POU6F2: variants seen among roughly 807,000 people sequenced by gnomAD.
The protein encoded by POU6F2 is POU domain, class 6, transcription factor 2.
POU6F2 carries 31 observed loss-of-function variants against 71.3 expected under a neutral mutation model. That is an observed-to-expected ratio of 0.43 (90% confidence interval 0.33 to 0.59). POU6F2 has a LOEUF of 0.59. POU6F2 is among the 20% of genes least tolerant of loss of function. POU6F2 has a pLI of 0.04. For synonymous variants in POU6F2, 347 were observed against 355.7 expected, an observed-to-expected ratio of 0.98 and a Z score of 0.27; for missense variants, 783 against 856.8, an observed-to-expected ratio of 0.91 and a Z score of 1.07.
At chr7:39,189,376 G>GTGTTTGTTTGTTTGTT (rs58113907) in intron 2 of POU6F2, among the ~76,000 whole-genome samples, 1 of 151,142 alleles carries the variant, frequency 6.6e-6, no homozygotes, top group Non-Finnish European at 1.5e-5. Context: ...TTTTGTTTGT[G>GTGTTTGTTTGTTTGTT]TGTTTGTTTG....
chr7:39,309,310 C>G (rs1216572031), intron 4 of POU6F2, among the ~76,000 whole-genome samples: 1 of 152,180 alleles, frequency 6.6e-6, no homozygotes, highest in African/African-American at 2.4e-5. Flanking sequence ...GCTGGGTAGA[C>G]TGAGGTGGAT....
intron 4 of POU6F2, among the ~76,000 whole-genome samples, chr7:39,257,670 A>T (rs1583478607): frequency 2.0e-5 from 3 of 152,296 alleles, no homozygotes; most frequent in East Asian, 3.9e-4. Flanking sequence ...TAGGCTTAGA[A>T]TGGAGCTTTC....
intron 7 of POU6F2, among the ~76,000 whole-genome samples, chr7:39,437,202 G>T (rs1443717482): frequency 6.6e-6 from 1 of 152,194 alleles, no homozygotes; most frequent in Non-Finnish European, 1.5e-5. Context: ...AATGATACCA[G>T]CTCCTTTTTG....
intron 1 of POU6F2, among the ~76,000 whole-genome samples, chr7:39,063,088 A>C (rs1790690770): frequency 6.6e-6 from 1 of 152,046 alleles, no homozygotes; most frequent in Admixed American, 6.6e-5. Context: ...AGAATATTGG[A>C]CTCATATAAA....
intron 2 of POU6F2, among the ~76,000 whole-genome samples, chr7:39,151,082 G>T (rs1792747872): frequency 6.6e-6 from 1 of 151,900 alleles, no homozygotes; most frequent in Non-Finnish European, 1.5e-5. Flanking sequence ...ACCTATGGGA[G>T]GTAGGGACTT....
In POU6F2 at chr7:39,335,669, C is replaced by T. The variant is rs1029732630; in HGVS notation, c.599-3973C>T. Among the ~76,000 whole-genome samples the T allele has an allele frequency of 2.6e-5, 4 of 152,210 alleles. No homozygotes were observed. In the East Asian group the frequency reaches 5.8e-4, roughly 22 times the overall value. ...TAACATGGCAATAACACCATCTATC[C>T]ATACAGTTGTCTTGAAAAGCTAATT... is the stretch of plus-strand genomic sequence containing the variant. On this transcript the variant is annotated intron_variant, in intron 4 of 9. Transcript: ENST00000518318.
chr7:39,266,278 A>T (rs1045966916), intron 4 of POU6F2, among the ~76,000 whole-genome samples: 1 of 152,204 alleles, frequency 6.6e-6, no homozygotes, highest in Non-Finnish European at 1.5e-5. Flanking sequence ...TGTGAACAGG[A>T]TCAGATACAC....
rs78387351 is a variant in POU6F2 at position 39,173,355 on chromosome 7, G to C, written c.278-30880G>C. Among the ~76,000 whole-genome samples the C allele has an allele frequency of 9.7e-4, 148 of 152,264 alleles. 2 individuals are homozygous for C. In the South Asian group the frequency reaches 0.022, roughly 22 times the overall value. ...CTCTGTGCTTATTAGCTAACCTCAG[G>C]CAAGTTACTTAACTTTTCTATGCTT... On this transcript the variant is annotated intron_variant, in intron 2 of 9. Coordinates refer to ENST00000518318, the MANE Select transcript of POU6F2 (RefSeq NM_001370959.1).
chr7:39,264,943 G>A (rs1356278949), intron 4 of POU6F2, among the ~76,000 whole-genome samples: 9 of 152,096 alleles, frequency 5.9e-5, no homozygotes, highest in African/African-American at 2.2e-4. Context: ...CATCAAAAAA[G>A]TATTTGCTCT....
At chr7:39,174,624 C>T (rs1793291777) in intron 2 of POU6F2, among the ~76,000 whole-genome samples, 1 of 152,088 alleles carries the variant, frequency 6.6e-6, no homozygotes, top group Admixed American at 6.5e-5. Context: ...CCTTCCTTCA[C>T]CCCATGGCTT....
intron 4 of POU6F2, among the ~76,000 whole-genome samples, chr7:39,323,478 C>T (rs76832345): frequency 0.052 from 7,916 of 152,238 alleles, 225 homozygotes; most frequent in Middle Eastern, 0.11. Flanking sequence ...GGGACATCCC[C>T]GTCTGCTGGC....
chr7:39,019,911 G>C (rs977333585), intron 1 of POU6F2, among the ~76,000 whole-genome samples: 2 of 151,976 alleles, frequency 1.3e-5, no homozygotes, highest in Non-Finnish European at 2.9e-5. Flanking sequence ...TATTCCTTTT[G>C]ATTCTTTTGG....
chr7:39,223,676 T>C (rs1015771048), intron 4 of POU6F2, among the ~76,000 whole-genome samples: 4 of 152,202 alleles, frequency 2.6e-5, no homozygotes, highest in Admixed American at 2.0e-4. Context: ...AATCCCTTCC[T>C]GAATCACAAG....
intron 6 of POU6F2, among the ~76,000 whole-genome samples, chr7:39,416,288 T>A (rs1583585279): frequency 2.6e-5 from 4 of 152,288 alleles, no homozygotes; most frequent in Admixed American, 6.5e-5. Flanking sequence ...TTGAAAAGTC[T>A]GTATCAGATC....
chr7:39,319,158 A>G (rs1202504132), intron 4 of POU6F2, among the ~76,000 whole-genome samples: 1 of 152,140 alleles, frequency 6.6e-6, no homozygotes, highest in Non-Finnish European at 1.5e-5. Context: ...CTCCAATTTG[A>G]TTTGAGGTTT....
intron 2 of POU6F2, among the ~76,000 whole-genome samples, chr7:39,174,309 T>C (rs10951597): frequency 0.41 from 62,942 of 151,970 alleles, 13,486 homozygotes; most frequent in East Asian, 0.75. Flanking sequence ...CCTGGAACCT[T>C]TTGTTGAATT....
At chr7:39,165,512 G>C (rs116296859) in intron 2 of POU6F2, among the ~76,000 whole-genome samples, 1,863 of 152,288 alleles carry the variant, frequency 0.012, 15 homozygotes, top group South Asian at 0.027. Context: ...ACAATTAACA[G>C]ATCAAATTTC....
chr7:39,217,923 T>C (rs1794274725), intron 4 of POU6F2, among the ~76,000 whole-genome samples: 1 of 152,170 alleles, frequency 6.6e-6, no homozygotes, highest in Non-Finnish European at 1.5e-5. Context: ...ATTTAAGAGA[T>C]ACTGTCAATG....
At chr7:39,344,986 T>C (rs1452677367) in intron 5 of POU6F2, among the ~76,000 whole-genome samples, 1 of 152,208 alleles carries the variant, frequency 6.6e-6, no homozygotes, top group African/African-American at 2.4e-5. Flanking sequence ...AGATGCAGAA[T>C]TTAAGGGTGT....
Sources: gnomAD v4.1 joint callset for allele counts (sites outside exome capture counted in the v4.1 genomes callset) on GRCh38, gnomAD v4.1.1 for gene constraint, MANE v1.5 for transcripts, NCBI Gene and HGNC (gene_info 2026-07-23, HGNC 2026-07-21) for gene names.